The following MYO1B variants were observed in gnomAD, a reference collection of about 807,000 sequenced individuals.
MYO1B encodes myosin IB.
In MYO1B, 72 loss-of-function variants were observed where a neutral mutation model predicts 159.7. That is an observed-to-expected ratio of 0.45 (90% CI 0.37 to 0.55). The LOEUF is 0.55. MYO1B is among the 20% of genes least tolerant of loss of function. The pLI is 0.00. For synonymous variants in MYO1B, 468 were observed against 473.8 expected, an observed-to-expected ratio of 0.99 and a Z score of 0.16; for missense variants, 1,062 against 1,364.8, an observed-to-expected ratio of 0.78 and a Z score of 3.50.
intron 2 of MYO1B, among the ~76,000 whole-genome samples, chr2:191,278,399 A>C (rs1358883965): frequency 6.6e-6 from 1 of 152,224 alleles, no homozygotes; most frequent in Non-Finnish European, 1.5e-5. Flanking sequence ...TTCAATATAT[A>C]AACTTTAGGG....
At chr2:191,331,870 G>A (rs1057469619) in intron 4 of MYO1B, among the ~76,000 whole-genome samples, 1 of 152,144 alleles carries the variant, frequency 6.6e-6, no homozygotes, top group African/African-American at 2.4e-5. Context: ...CTGTTGTTCT[G>A]GAAACATCCT....
At chr2:191,257,690 A>G (rs1309290062) in intron 1 of MYO1B, among the ~76,000 whole-genome samples, 2 of 152,224 alleles carry the variant, frequency 1.3e-5, no homozygotes, top group Non-Finnish European at 2.9e-5. Context: ...TAATGCTGAC[A>G]TAGATTTGAA....
intron 1 of MYO1B, among the ~76,000 whole-genome samples, chr2:191,262,090 G>A (rs887118408): frequency 5.3e-5 from 8 of 152,056 alleles, no homozygotes; most frequent in Non-Finnish European, 8.8e-5. Context: ...ACTCATCTGT[G>A]ATTTCCCTTG....
intron 1 of MYO1B, among the ~76,000 whole-genome samples, chr2:191,268,554 G>C (rs149901652): frequency 6.6e-6 from 1 of 152,148 alleles, no homozygotes; most frequent in Non-Finnish European, 1.5e-5. Flanking sequence ...TTTAAGTTGG[G>C]GGGTATTTAT....
intron 3 of MYO1B, among the ~76,000 whole-genome samples, chr2:191,297,359 C>CAT (rs1436856407): frequency 1.3e-5 from 2 of 152,202 alleles, no homozygotes. Flanking sequence ...TGCAGCATAA[C>CAT]ATCTTTTATG....
At chr2:191,307,635 A>C (rs73058701) in intron 3 of MYO1B, among the ~76,000 whole-genome samples, 2,181 of 152,236 alleles carry the variant, frequency 0.014, 52 homozygotes, top group African/African-American at 0.05. Flanking sequence ...AGCACAGACC[A>C]CACAGGTCAA....
At chr2:191,408,564 G>T (rs939489570) in intron 25 of MYO1B, among the ~76,000 whole-genome samples, 2 of 152,178 alleles carry the variant, frequency 1.3e-5, no homozygotes, top group Non-Finnish European at 2.9e-5. Flanking sequence ...AGGGAGCCAG[G>T]CTGTGCAGCT....
chr2:191,333,957 A>G (rs1691658178), intron 4 of MYO1B, among the ~76,000 whole-genome samples: 1 of 151,586 alleles, frequency 6.6e-6, no homozygotes, highest in Non-Finnish European at 1.5e-5. Flanking sequence ...ATCTACGCCC[A>G]CCCCTCCCCC....
At chr2:191,368,661 GT>G (rs1463631946) in intron 11 of MYO1B, among the ~76,000 whole-genome samples, 5 of 152,118 alleles carry the variant, frequency 3.3e-5, no homozygotes, top group Admixed American at 2.0e-4. Flanking sequence ...CATTGTGGAA[GT>G]TTTTTTAAAT....
chr2:191,328,338 C>A (rs867719423), intron 3 of MYO1B, among the ~76,000 whole-genome samples: 13 of 152,192 alleles, frequency 8.5e-5, no homozygotes, highest in Admixed American at 1.3e-4. Flanking sequence ...ATACACTCTT[C>A]CTGTATCCCA....
In MYO1B at chr2:191,364,279, G is replaced by A. The variant is rs1693856730; in HGVS notation, c.1032+3G>A. On this transcript the variant is annotated splice_donor_region_variant and intron_variant, in intron 11 of 30. Coordinates refer to ENST00000392318, the MANE Select transcript of MYO1B (RefSeq NM_001130158.3). ...CAACTACACTGAATGTGGCTCAGGT[G>A]GGTGAAACATAATGTACAGACGAAA... 1.2e-6 allele frequency: 2 copies of A among 1,604,324 alleles called. No homozygotes were observed. Among genetic ancestry groups the A allele is most frequent in the Non-Finnish European group, 1.7e-6 (2 of 1,171,412 alleles).
chr2:191,370,184 A>G (rs1375226845), intron 12 of MYO1B, 43 bp from the exon 13 acceptor site: 1 of 1,332,820 alleles, frequency 7.5e-7, no homozygotes, highest in East Asian at 2.3e-5. Flanking sequence ...GTAGTGTTAT[A>G]TTTCATGCCT....
intron 1 of MYO1B, among the ~76,000 whole-genome samples, chr2:191,256,524 C>T (rs1021962343): frequency 6.6e-6 from 1 of 152,094 alleles, no homozygotes; most frequent in Non-Finnish European, 1.5e-5. Context: ...TAGCAGTGCA[C>T]ATAATTTAGG....
chr2:191,346,368 A>G (rs1692564876), intron 6 of MYO1B, 86 bp downstream of exon 6: 5 of 840,560 alleles, frequency 5.9e-6, no homozygotes, highest in Non-Finnish European at 8.7e-6. Flanking sequence ...ATATTTCTTA[A>G]TACACACATT....
chr2:191,423,614 T>C (rs1338114210), intron 30 of MYO1B, among the ~76,000 whole-genome samples: 1 of 152,206 alleles, frequency 6.6e-6, no homozygotes, highest in Admixed American at 6.5e-5. Context: ...TTATACTTAA[T>C]GTTTCAGTCT....
chr2:191,367,988 TCTA>T (rs1315710323), intron 11 of MYO1B, among the ~76,000 whole-genome samples: 5 of 152,368 alleles, frequency 3.3e-5, no homozygotes, highest in Admixed American at 6.5e-5. Flanking sequence ...ACATGCATTT[TCTA>T]CTATGGAAGC....
At chr2:191,331,269 T>C (rs1205130005) in intron 4 of MYO1B, among the ~76,000 whole-genome samples, 1 of 151,956 alleles carries the variant, frequency 6.6e-6, no homozygotes, top group Non-Finnish European at 1.5e-5. Context: ...ACAGAAAACA[T>C]GGTGTCATAT....
intron 2 of MYO1B, among the ~76,000 whole-genome samples, chr2:191,291,174 G>C (rs1009656227): frequency 2.6e-5 from 4 of 152,186 alleles, no homozygotes; most frequent in African/African-American, 9.7e-5. Context: ...GTGGTCTGGG[G>C]AGTGGAGGTG....
chr2:191,419,497 C>T (rs1422373335), intron 30 of MYO1B, among the ~76,000 whole-genome samples: 3 of 152,192 alleles, frequency 2.0e-5, no homozygotes, highest in African/African-American at 4.8e-5. Context: ...GGATTATAGG[C>T]GTGAGCCACC....
Sources: allele counts gnomAD v4.1 joint callset (sites outside exome capture counted in the v4.1 genomes callset), GRCh38; gene constraint gnomAD v4.1.1; transcripts MANE v1.5; gene names NCBI Gene and HGNC (gene_info 2026-07-23, HGNC 2026-07-21).